Variants in ZFAT observed in about 807,000 individuals in gnomAD.
ZFAT encodes the protein zinc finger and AT-hook domain containing.
In ZFAT, 64 loss-of-function variants were observed where a neutral mutation model predicts 117.7. The ratio of observed to expected loss-of-function variants is 0.54; its 90% confidence interval spans 0.44 to 0.67. The LOEUF (loss-of-function observed/expected upper bound fraction) is 0.67. Ranked by LOEUF, ZFAT falls within the 30% of genes least tolerant of loss-of-function variation. The probability of loss-of-function intolerance (pLI) is 0.00; values close to 1 mark genes in which losing one functional copy is unlikely to be tolerated. For missense variants in ZFAT, 1,433 were observed against 1,584.5 expected, an observed-to-expected ratio of 0.90 and a Z score of 1.62; for synonymous variants, 679 against 615.0, an observed-to-expected ratio of 1.10 and a Z score of -1.54.
In ZFAT at chr8:134,551,319, A is replaced by G. The variant is rs75953564; in HGVS notation, c.2976+14014T>C. 5.2e-3 allele frequency among the ~76,000 whole-genome samples: 792 copies of G among 152,322 alleles called. 5 individuals are homozygous for G. Among genetic ancestry groups the G allele is most frequent in the African/African-American group, 0.018 (761 of 41,554 alleles). On this transcript the variant is annotated intron_variant, in intron 11 of 15. Transcript: ENST00000377838. Reference sequence around the variant, plus strand: ...CAGTGTCCTAATCCGTAAAACGGGGATGTTAATTACCTACCTGGTAGAGTT... The same window carrying G: ...CAGTGTCCTAATCCGTAAAACGGGGGTGTTAATTACCTACCTGGTAGAGTT...
chr8:134,570,370 T>C (rs1333788020), intron 10 of ZFAT, among the ~76,000 whole-genome samples: 1 of 152,232 alleles, frequency 6.6e-6, no homozygotes, highest in Non-Finnish European at 1.5e-5. Context: ...TTTCTTAATA[T>C]TTTAGATGTA....
chr8:134,827,596 C>T, the ZFAT span, among the ~76,000 whole-genome samples: 1 of 151,712 alleles, frequency 6.6e-6, no homozygotes, highest in African/African-American at 2.4e-5. Flanking sequence ...GGTGAAATCC[C>T]GTCTCTACTG....
At chr8:134,593,731 A>G (rs1283566795) in intron 7 of ZFAT, among the ~76,000 whole-genome samples, 1 of 152,208 alleles carries the variant, frequency 6.6e-6, no homozygotes, top group East Asian at 1.9e-4. Flanking sequence ...TAAAAAACAA[A>G]GGTGGGGGTT....
the ZFAT span, among the ~76,000 whole-genome samples, chr8:134,756,683 T>C: frequency 0.037 from 5,657 of 152,320 alleles, 350 homozygotes; most frequent in African/African-American, 0.13. Context: ...ACAGTTCTGC[T>C]TCCTCCTAAG....
At chr8:134,533,832 C>A (rs778154605) in intron 11 of ZFAT, among the ~76,000 whole-genome samples, 1 of 152,216 alleles carries the variant, frequency 6.6e-6, no homozygotes, top group Non-Finnish European at 1.5e-5. Context: ...CTCAGTGAGA[C>A]CTGGCCTTTG....
intron 1 of ZFAT, chr8:134,673,351 TC>T (rs1015561090): frequency 1.9e-5 from 3 of 154,176 alleles, no homozygotes; most frequent in African/African-American, 7.2e-5. Flanking sequence ...TCAGCACAGT[TC>T]CTAGGCTTGA....
the ZFAT span, among the ~76,000 whole-genome samples, chr8:134,742,467 TCA>T: frequency 1.3e-5 from 2 of 152,104 alleles, no homozygotes; most frequent in Non-Finnish European, 1.5e-5. Context: ...TGTGTGAAAA[TCA>T]CAGTCCTCGG....
chr8:134,478,553 T>C lies in ZFAT; in HGVS notation c.3661A>G (p.Ile1221Val), dbSNP rs764365161. 11 of 1,595,016 alleles carry C rather than the reference T, an allele frequency of 6.9e-6. No individual in the cohort carries two copies. Among genetic ancestry groups the C allele is most frequent in the South Asian group, 1.1e-5 (1 of 87,600 alleles). Residue 1221 changes from isoleucine to valine, a missense_variant, in exon 16 of 16, where the codon ATC becomes GTC. Transcript: ENST00000377838. This position sits in a 1 kb window ranked among gnomAD's most constrained non-coding sequence, Gnocchi z 5.2. ...YTQGGEASEF[I>V]VYVQEAMQPV... ...TGCATGGCCTCCTGCACGTAGACGA[T>C]GAACTCCGAGGCCTCCCCGCCCTGC...
intron 15 of ZFAT, among the ~76,000 whole-genome samples, chr8:134,483,050 T>A (rs1817427957): frequency 6.6e-6 from 1 of 152,100 alleles, no homozygotes; most frequent in African/African-American, 2.4e-5. Flanking sequence ...ACAGAAGGGG[T>A]TCATAGGGCT....
chr8:134,705,892 C>A (rs1586975410), intron 1 of ZFAT, among the ~76,000 whole-genome samples: 1 of 152,058 alleles, frequency 6.6e-6, no homozygotes, highest in African/African-American at 2.4e-5. Context: ...AAAGATGACA[C>A]AAATGGCCAA....
chr8:134,708,641 TTTC>T (rs1341178361), intron 1 of ZFAT, among the ~76,000 whole-genome samples: 1 of 152,148 alleles, frequency 6.6e-6, no homozygotes, highest in Non-Finnish European at 1.5e-5. Context: ...TGCTCTGCTT[TTTC>T]TTTTCTCTTT....
chr8:134,765,798 T>A, the ZFAT span: 1 of 152,236 alleles, frequency 6.6e-6, no homozygotes, highest in Non-Finnish European at 1.5e-5. Flanking sequence ...GCTTACTGAT[T>A]GAGCTTCATT....
intron 8 of ZFAT, among the ~76,000 whole-genome samples, chr8:134,589,013 T>C (rs1401927784): frequency 6.6e-6 from 1 of 152,266 alleles, no homozygotes; most frequent in East Asian, 1.9e-4. Flanking sequence ...AGAAGAAAAG[T>C]GTGTGTGGTA....
intron 11 of ZFAT, among the ~76,000 whole-genome samples, chr8:134,546,307 C>A (rs749110538): frequency 6.6e-6 from 1 of 152,074 alleles, no homozygotes; most frequent in African/African-American, 2.4e-5. Context: ...AAGTGCTTCC[C>A]GAGGGGTTTT....
the ZFAT span, among the ~76,000 whole-genome samples, chr8:134,790,261 G>T: frequency 6.6e-6 from 1 of 152,144 alleles, no homozygotes; most frequent in South Asian, 2.1e-4. Context: ...CCCCCTAAAA[G>T]GCTCTTGTCC....
rs1362147843 is a variant in ZFAT at position 134,602,779 on chromosome 8, G to T, written c.940C>A (p.Leu314Ile). 2 of 1,614,134 alleles carry T rather than the reference G, an allele frequency of 1.2e-6. No homozygotes were observed. The highest frequency in any genetic ancestry group is 2.7e-5 in the African/African-American group (2 of 74,950). Residue 314 changes from leucine (L) to isoleucine (I), a missense_variant, in exon 6 of 16, where the codon CTC becomes ATC. By Grantham distance (5) the Leu-to-Ile change is conservative (BLOSUM62 2). Coordinates refer to ENST00000377838, the MANE Select transcript of ZFAT (RefSeq NM_020863.4). ...GTGTGCTTGCGCAGGTGCACATTGA[G>T]GTTGGCCTTGATGGCACTGGCATAG... is the stretch of plus-strand genomic sequence containing the variant. The part of the protein sequence containing the change: ...CSYASAIKAN[L>I]NVHLRKHTGE...
chr8:134,562,931 C>T (rs1324061526), intron 11 of ZFAT, among the ~76,000 whole-genome samples: 2 of 152,158 alleles, frequency 1.3e-5, no homozygotes, highest in Admixed American at 6.5e-5. Flanking sequence ...AAATGCTTCA[C>T]AGTGTAAACC....
At chr8:134,656,253 C>T (rs1192252696) in intron 2 of ZFAT, among the ~76,000 whole-genome samples, 9 of 152,114 alleles carry the variant, frequency 5.9e-5, no homozygotes, top group Non-Finnish European at 1.3e-4. Context: ...CTCAAGTGTG[C>T]GCTACTGGTT....
the ZFAT span, among the ~76,000 whole-genome samples, chr8:134,787,386 A>G: frequency 6.6e-6 from 1 of 152,172 alleles, no homozygotes; most frequent in Non-Finnish European, 1.5e-5. Context: ...TTTTTTCCCC[A>G]ATACAGCTAT....
Sources: allele counts gnomAD v4.1 joint callset (sites outside exome capture counted in the v4.1 genomes callset), GRCh38; gene constraint gnomAD v4.1.1; non-coding constraint Gnocchi (gnomAD v3.1); transcripts MANE v1.5; gene names NCBI Gene and HGNC (gene_info 2026-07-23, HGNC 2026-07-21).